RNF180: variants seen among roughly 807,000 people sequenced by gnomAD.
RNF180 encodes the protein ring finger protein 180.
A neutral mutation model predicts 59.2 loss-of-function variants in RNF180; 38 were observed. The observed-to-expected ratio is 0.64, with a 90% CI of 0.50 to 0.84. The LOEUF is 0.84. RNF180 is among the 40% of genes least tolerant of loss of function. RNF180 has a pLI of 0.00. For synonymous variants in RNF180, 262 were observed against 240.3 expected (o/e 1.09, Z -0.84); for missense variants, 705 against 700.9 (o/e 1.01, Z -0.07).
Position 64,294,324 on chromosome 5 carries a change from A to G in RNF180, c.1228-30862A>G, listed in dbSNP as rs180883015. Among the ~76,000 whole-genome samples, 67 of 152,350 alleles carry G rather than the reference A, an allele frequency of 4.4e-4. 1 individual carries two copies. In the East Asian group the frequency reaches 0.013, roughly 29 times the overall value. On this transcript the variant is annotated intron_variant, in intron 5 of 7. Transcript: ENST00000389100. ...GATGTGCATATTTCACATTAAATGC[A>G]TGTATCAAAACATCTCATTTGCCCC...
intron 1 of RNF180, among the ~76,000 whole-genome samples, chr5:64,193,058 A>T (rs550581482): frequency 2.2e-4 from 34 of 151,562 alleles, no homozygotes; most frequent in African/African-American, 6.8e-4. Flanking sequence ...ACATTATTAT[A>T]CTTATATGAG....
chr5:64,296,125 G>T (rs892951527), intron 5 of RNF180, among the ~76,000 whole-genome samples: 3 of 152,048 alleles, frequency 2.0e-5, no homozygotes, highest in Admixed American at 6.6e-5. Flanking sequence ...CTATGACAGG[G>T]ACTTGAAAAT....
At chr5:64,367,869 A>T (rs2112619175) in intron 7 of RNF180, among the ~76,000 whole-genome samples, 1 of 151,818 alleles carries the variant, frequency 6.6e-6, no homozygotes, top group African/African-American at 2.4e-5. Flanking sequence ...AGAAATACTT[A>T]AAGTAGAAAG....
chr5:64,358,838 T>C (rs1309874685), intron 7 of RNF180, among the ~76,000 whole-genome samples: 1 of 141,052 alleles, frequency 7.1e-6, no homozygotes, highest in Non-Finnish European at 1.5e-5. Context: ...CCTGTGTCCA[T>C]GTGATCTCAT....
At chr5:64,233,641 C>G (rs964168372) in intron 5 of RNF180, among the ~76,000 whole-genome samples, 5 of 152,186 alleles carry the variant, frequency 3.3e-5, no homozygotes, top group Non-Finnish European at 5.9e-5. Flanking sequence ...GGATTGGGAG[C>G]TGGAAGAAGA....
rs528449104 is a variant in RNF180 at position 64,350,890 on chromosome 5, G to A, written c.1580-18725G>A. 4.3e-4 allele frequency among the ~76,000 whole-genome samples: 66 copies of A among 152,144 alleles called. 1 individual carries two copies. In the South Asian group the frequency reaches 0.013, roughly 30 times the overall value. ...TGGCTTAGGATTGACTTGGCAATGC[G>A]GGCTCTTTTTTGGTTCTATATGAAC... On this transcript the variant is annotated intron_variant, in intron 7 of 7. Coordinates refer to ENST00000389100, the MANE Select transcript of RNF180 (RefSeq NM_001113561.2).
chr5:64,261,859 A>G lies in RNF180; in HGVS notation c.1227+44463A>G, dbSNP rs192545337. ...TTGGCAGACCCTCAAAGGCAGGCAG[A>G]TGAATGAGAACGTTTTATAGTGGAA... On this transcript the variant is annotated intron_variant, in intron 5 of 7. Transcript: ENST00000389100. Among the ~76,000 whole-genome samples, 81 of 152,282 alleles carry G rather than the reference A, an allele frequency of 5.3e-4. 1 individual carries two copies. Among genetic ancestry groups the G allele is most frequent in the African/African-American group, 1.4e-3 (60 of 41,570 alleles).
At chr5:64,292,545 G>T (rs1030378845) in intron 5 of RNF180, among the ~76,000 whole-genome samples, 6 of 152,156 alleles carry the variant, frequency 3.9e-5, no homozygotes, top group African/African-American at 1.4e-4. Flanking sequence ...TTCTGGCTTG[G>T]ATGCTCCTGT....
chr5:64,348,083 G>A (rs946136679), intron 7 of RNF180, among the ~76,000 whole-genome samples: 1 of 151,974 alleles, frequency 6.6e-6, no homozygotes, highest in African/African-American at 2.4e-5. Flanking sequence ...CTGAAATATT[G>A]TATAGGTAGC....
chr5:64,358,523 A>G (rs1050191326), intron 7 of RNF180, among the ~76,000 whole-genome samples: 1 of 151,864 alleles, frequency 6.6e-6, no homozygotes, highest in Admixed American at 6.6e-5. Flanking sequence ...ACTAGAAGAC[A>G]TGAAGAGACC....
chr5:64,197,848 T>C (rs1375954850), intron 1 of RNF180, among the ~76,000 whole-genome samples: 1 of 152,186 alleles, frequency 6.6e-6, no homozygotes, highest in East Asian at 1.9e-4. Flanking sequence ...ATTTGAACTT[T>C]ATACAAAGAT....
chr5:64,169,380 G>A (rs1749818683), intron 1 of RNF180, among the ~76,000 whole-genome samples: 1 of 152,198 alleles, frequency 6.6e-6, no homozygotes, highest in South Asian at 2.1e-4. Flanking sequence ...TAGGTTAGGT[G>A]TCCTCATTAT....
chr5:64,241,120 A>G (rs970657576), intron 5 of RNF180, among the ~76,000 whole-genome samples: 37 of 152,216 alleles, frequency 2.4e-4, no homozygotes, highest in African/African-American at 7.5e-4. Context: ...ATGATTTGGA[A>G]CTATGCAAAT....
intron 3 of RNF180, among the ~76,000 whole-genome samples, chr5:64,212,888 C>CT (rs769178178): frequency 1.1e-4 from 17 of 152,300 alleles, no homozygotes; most frequent in South Asian, 2.1e-4. Context: ...ATAGATATCC[C>CT]TTTTCACACT....
At position 64,343,258 on chromosome 5, in the gene RNF180, T is replaced by TA. The variant is rs201932274; in HGVS notation, c.1579+12858dup. ...TAGAGAAAAAGAATAGATAAAAAGG[T>TA]AAAAAACTGCCAATAGAAAATAGAA... On this transcript the variant is annotated intron_variant, in intron 7 of 7. Transcript: ENST00000389100. 3.1e-3 allele frequency among the ~76,000 whole-genome samples: 472 copies of TA among 151,724 alleles called. 1 individual carries two copies. Among genetic ancestry groups the TA allele is most frequent in the African/African-American group, 0.011 (461 of 41,400 alleles).
At chr5:64,290,748 T>G (rs1453006264) in intron 5 of RNF180, among the ~76,000 whole-genome samples, 2 of 152,210 alleles carry the variant, frequency 1.3e-5, no homozygotes, top group African/African-American at 4.8e-5. Flanking sequence ...TCCATCCCTT[T>G]AGTTTGAGCC....
intron 5 of RNF180, among the ~76,000 whole-genome samples, chr5:64,241,079 C>G (rs1742781009): frequency 6.6e-6 from 1 of 152,092 alleles, no homozygotes; most frequent in African/African-American, 2.4e-5. Flanking sequence ...ATATGTTGGT[C>G]TCTCCCAGTT....
intron 5 of RNF180, among the ~76,000 whole-genome samples, chr5:64,277,837 A>G (rs1180541026): frequency 6.6e-6 from 1 of 152,160 alleles, no homozygotes; most frequent in East Asian, 1.9e-4. Flanking sequence ...ACCTTTGAGC[A>G]TACTTTTCCT....
intron 5 of RNF180, among the ~76,000 whole-genome samples, chr5:64,248,219 C>T (rs923062051): frequency 2.0e-5 from 3 of 152,180 alleles, no homozygotes; most frequent in Non-Finnish European, 4.4e-5. Context: ...ATGACTAAAA[C>T]ACCAAAAGCC....
Sources: gnomAD v4.1 joint callset for allele counts (sites outside exome capture counted in the v4.1 genomes callset) on GRCh38, gnomAD v4.1.1 for gene constraint, MANE v1.5 for transcripts, NCBI Gene and HGNC (gene_info 2026-07-23, HGNC 2026-07-21) for gene names.